SERINC5: variants seen among roughly 807,000 people sequenced by gnomAD.
SERINC5 encodes the protein serine incorporator 5, also known as chromosome 5 open reading frame 12.
Under a neutral mutation model 63.1 loss-of-function variants are expected in SERINC5, and 41 were observed. The ratio of observed to expected loss-of-function variants is 0.65; its 90% confidence interval spans 0.51 to 0.84. The LOEUF is 0.84. Ranked by LOEUF, SERINC5 falls within the 40% of genes least tolerant of loss-of-function variation. The probability of loss-of-function intolerance (pLI) is 0.00; values close to 1 mark genes in which losing one functional copy is unlikely to be tolerated. For synonymous variants in SERINC5, 222 were observed against 215.2 expected, an observed-to-expected ratio of 1.03 and a Z score of -0.28; for missense variants, 523 against 573.0, an observed-to-expected ratio of 0.91 and a Z score of 0.89.
chr5:80,224,093 A>G (rs910202106), intron 1 of SERINC5, among the ~76,000 whole-genome samples: 2 of 143,470 alleles, frequency 1.4e-5, no homozygotes, highest in Admixed American at 1.5e-4. Context: ...AGATCCTGTC[A>G]TTGCACTCCA....
At chr5:80,238,119 A>G (rs1019325621) in intron 1 of SERINC5, among the ~76,000 whole-genome samples, 3 of 151,040 alleles carry the variant, frequency 2.0e-5, no homozygotes, top group East Asian at 1.9e-4. Context: ...AAAAAAAAAA[A>G]AAAGAAAAGA....
intron 11 of SERINC5, among the ~76,000 whole-genome samples, chr5:80,130,371 T>C (rs1388153192): frequency 6.7e-6 from 1 of 149,194 alleles, no homozygotes; most frequent in South Asian, 2.1e-4. Flanking sequence ...CAAAGCGAGA[T>C]TCCATCTCAA....
chr5:80,251,665 G>A (rs1374909079), intron 1 of SERINC5, among the ~76,000 whole-genome samples: 1 of 151,644 alleles, frequency 6.6e-6, no homozygotes, highest in Admixed American at 6.6e-5. Context: ...GGGAGGCGGA[G>A]GTTGCAGGGA....
chr5:80,185,517 G>A (rs149809347), intron 2 of SERINC5, among the ~76,000 whole-genome samples: 3 of 100,984 alleles, frequency 3.0e-5, no homozygotes, highest in East Asian at 5.9e-4. Flanking sequence ...ATGCGCGTCC[G>A]TGTGAAGGGA....
chr5:80,161,014 A>G lies in SERINC5; in HGVS notation c.860-2052T>C, dbSNP rs187407699. Among the ~76,000 whole-genome samples the G allele has an allele frequency of 4.4e-5, 6 of 136,126 alleles. No individual in the cohort carries two copies. In the East Asian group the frequency reaches 9.8e-4, roughly 22 times the overall value. 89.3% of individuals were successfully genotyped at this position (136,126 alleles called of 152,430 possible). On this transcript the variant is annotated intron_variant, in intron 7 of 11. Transcript: ENST00000507668. ...TATGTATATATATACGTGTATATAT[A>G]CGTGTATATATATACACACGTGTAT...
intron 2 of SERINC5, among the ~76,000 whole-genome samples, chr5:80,198,124 C>T (rs1286377605): frequency 1.3e-5 from 2 of 152,144 alleles, no homozygotes; most frequent in African/African-American, 2.4e-5. Flanking sequence ...AGGCATGAGC[C>T]ACCACACCCG....
At chr5:80,224,383 G>A (rs4704640) in intron 1 of SERINC5, among the ~76,000 whole-genome samples, 74,415 of 136,290 alleles carry the variant, frequency 0.55, 18,715 homozygotes, top group African/African-American at 0.63. Flanking sequence ...AGGCTGAAGT[G>A]AGAGGATCCC....
intron 11 of SERINC5, among the ~76,000 whole-genome samples, chr5:80,122,571 C>A (rs903928001): frequency 6.6e-6 from 1 of 152,178 alleles, no homozygotes; most frequent in African/African-American, 2.4e-5. Context: ...CTGAGAAACA[C>A]AAATCTAGGT....
chr5:80,175,956 G>A (rs552362725), intron 4 of SERINC5, among the ~76,000 whole-genome samples: 14 of 151,662 alleles, frequency 9.2e-5, no homozygotes, highest in Middle Eastern at 6.8e-3. Context: ...AAGAGGGGGC[G>A]GATCACAAGG....
intron 11 of SERINC5, among the ~76,000 whole-genome samples, chr5:80,116,563 A>G (rs761272545): frequency 1.6e-4 from 25 of 152,052 alleles, no homozygotes; most frequent in Admixed American, 1.3e-4. Flanking sequence ...TTTTCTCCTC[A>G]GTGGGAAGAA....
intron 1 of SERINC5, among the ~76,000 whole-genome samples, chr5:80,237,533 CTATGTTGCCCAGGCTG>C (rs764056429): frequency 3.0e-4 from 45 of 151,948 alleles, no homozygotes; most frequent in Non-Finnish European, 3.7e-4. Context: ...TGGGGTTTCA[CTATGTTGCCCAGGCTG>C]GTATCGAATT....
intron 8 of SERINC5, among the ~76,000 whole-genome samples, chr5:80,151,512 A>G (rs555579427): frequency 6.6e-6 from 1 of 152,328 alleles, no homozygotes; most frequent in South Asian, 2.1e-4. Flanking sequence ...GGGGCAAAAT[A>G]ATTTATTTTT....
chr5:80,143,113 A>G lies in SERINC5; in HGVS notation c.*550T>C. ...AAACGTTTAGGGGCCGTGAAGAGGC[A>G]GCACTGAGGGTGCAGTTGAAAAGCA... On this transcript the variant is annotated 3_prime_UTR_variant, in exon 12 of 12. Coordinates refer to ENST00000507668, the MANE Select transcript of SERINC5 (RefSeq NM_001174072.3). The G allele has an allele frequency of 2.0e-6, 2 of 985,520 alleles. No homozygotes were observed. The highest frequency in any genetic ancestry group is 9.4e-5 in the South Asian group (2 of 21,286). The allele number at this position is 985,520 out of a possible 1,614,324, so 61.0% of individuals were successfully genotyped here.
chr5:80,221,055 C>G (rs1397235543), intron 1 of SERINC5, among the ~76,000 whole-genome samples: 1 of 152,136 alleles, frequency 6.6e-6, no homozygotes, highest in Non-Finnish European at 1.5e-5. Flanking sequence ...ACTGCAAGAG[C>G]AGAGAGCACT....
At chr5:80,144,219 G>GTA (rs1163380608) in intron 11 of SERINC5, among the ~76,000 whole-genome samples, 1 of 152,092 alleles carries the variant, frequency 6.6e-6, no homozygotes, top group African/African-American at 2.4e-5. Flanking sequence ...GTATCTTATT[G>GTA]TATGGATAGA....
At chr5:80,220,228 A>G (rs1750838592) in intron 1 of SERINC5, among the ~76,000 whole-genome samples, 2 of 91,178 alleles carry the variant, frequency 2.2e-5, no homozygotes, top group Non-Finnish European at 4.7e-5. Context: ...AATAAAAAAA[A>G]AAAAGAGAGA....
intron 8 of SERINC5, among the ~76,000 whole-genome samples, chr5:80,151,394 T>C (rs547747395): frequency 1.3e-5 from 2 of 152,380 alleles, no homozygotes; most frequent in African/African-American, 2.4e-5. Context: ...TGATAGCCTA[T>C]AGTAGAACAA....
chr5:80,221,530 A>G (rs908191054), intron 1 of SERINC5, among the ~76,000 whole-genome samples: 3 of 152,208 alleles, frequency 2.0e-5, no homozygotes, highest in African/African-American at 7.2e-5. Flanking sequence ...AGATGAATAC[A>G]CAAAAATATT....
intron 1 of SERINC5, among the ~76,000 whole-genome samples, chr5:80,254,760 C>T (rs1376265949): frequency 6.6e-6 from 1 of 152,166 alleles, no homozygotes; most frequent in Non-Finnish European, 1.5e-5. Context: ...CCTCAATTTC[C>T]TCAACTCTGA....
Sources: gnomAD v4.1 joint callset for allele counts (sites outside exome capture counted in the v4.1 genomes callset) on GRCh38, gnomAD v4.1.1 for gene constraint, MANE v1.5 for transcripts, NCBI Gene and HGNC (gene_info 2026-07-23, HGNC 2026-07-21) for gene names.